FKBP3: variants seen among roughly 807,000 people sequenced by gnomAD.
FKBP3 encodes FKBP prolyl isomerase 3, also known as peptidyl-prolyl cis-trans isomerase FKBP3.
Under a neutral mutation model 30.6 loss-of-function variants are expected in FKBP3, and 21 were observed. That is an observed-to-expected ratio of 0.69 (90% confidence interval 0.49 to 0.99). The LOEUF (loss-of-function observed/expected upper bound fraction) is 0.99. Among genes scored for constraint, FKBP3 ranks in the 50% least tolerant of loss-of-function variants. FKBP3 has a pLI of 0.00. For synonymous variants in FKBP3, 82 were observed against 91.3 expected, an observed-to-expected ratio of 0.90 and a Z score of 0.58; for missense variants, 283 against 261.6, an observed-to-expected ratio of 1.08 and a Z score of -0.56.
intron 3 of FKBP3, among the ~76,000 whole-genome samples, chr14:45,126,466 C>T (rs979698536): frequency 1.3e-4 from 19 of 151,696 alleles, no homozygotes; most frequent in African/African-American, 4.1e-4. Flanking sequence ...CCAGCCTAGG[C>T]AACAGAGCGT....
intron 3 of FKBP3, among the ~76,000 whole-genome samples, chr14:45,129,338 C>G (rs541448816): frequency 6.6e-6 from 1 of 152,148 alleles, no homozygotes; most frequent in Admixed American, 6.5e-5. Flanking sequence ...ACCTTTGTAC[C>G]AAAGTATAAA....
chr14:45,119,782 G>C (rs1802282288), intron 5 of FKBP3, among the ~76,000 whole-genome samples: 1 of 150,816 alleles, frequency 6.6e-6, no homozygotes, highest in Non-Finnish European at 1.5e-5. Flanking sequence ...CCACCTCCCA[G>C]GTTCAAGCAA....
At chr14:45,122,697 G>A (rs111946067) in intron 3 of FKBP3, among the ~76,000 whole-genome samples, 2 of 151,726 alleles carry the variant, frequency 1.3e-5, no homozygotes, top group African/African-American at 2.4e-5. Flanking sequence ...TAGAGACACG[G>A]TTTCACCATG....
At chr14:45,116,725 G>A (rs1884850035) in intron 6 of FKBP3, among the ~76,000 whole-genome samples, 1 of 151,760 alleles carries the variant, frequency 6.6e-6, no homozygotes, top group Non-Finnish European at 1.5e-5. Context: ...GCGTAGTGGT[G>A]CGCACCTGTA....
intron 1 of FKBP3, among the ~76,000 whole-genome samples, chr14:45,133,917 G>C (rs1274721726): frequency 6.6e-6 from 1 of 152,224 alleles, no homozygotes; most frequent in Non-Finnish European, 1.5e-5. Context: ...AAACTGTTGA[G>C]AAAAGCAAGT....
Position 45,134,330 on chromosome 14 carries a change from GC to G in FKBP3, c.108+18del, listed in dbSNP as rs1885322864. ...GTCCCTCAGCCGCACCAGCCCGGCC[GC>G]CCCTACGCCTCTGGTACCGAATCTG... On this transcript the variant is annotated intron_variant, in intron 1 of 6. Coordinates refer to ENST00000396062, the MANE Select transcript of FKBP3 (RefSeq NM_002013.4). The G allele has an allele frequency of 6.3e-7, 1 of 1,587,166 alleles. No individual in the cohort carries two copies. The highest frequency in any genetic ancestry group is 8.6e-7 in the Non-Finnish European group (1 of 1,156,888).
At chr14:45,127,458 A>T (rs1430290988) in intron 3 of FKBP3, among the ~76,000 whole-genome samples, 1 of 152,028 alleles carries the variant, frequency 6.6e-6, no homozygotes, top group Non-Finnish European at 1.5e-5. Flanking sequence ...AAAAATTTTT[A>T]AATGAAAAAT....
Position 45,118,629 on chromosome 14 carries a change from TCAAA to T in FKBP3, c.523-508_523-505del, listed in dbSNP as rs201171684. On this transcript the variant is annotated intron_variant, in intron 5 of 6. Coordinates refer to ENST00000396062, the MANE Select transcript of FKBP3 (RefSeq NM_002013.4). The stretch of plus-strand genomic sequence containing the variant: ...CTGGGCAACAGAGTGAGACTCCTTC[TCAAA>T]CAAACAAACAAAAAACAAAAAAAAA... Among the ~76,000 whole-genome samples, 125 of 151,956 alleles carry T rather than the reference TCAAA, an allele frequency of 8.2e-4. 4 individuals carry two copies. Among genetic ancestry groups the T allele is most frequent in the East Asian group, 3.1e-3 (16 of 5,154 alleles).
chr14:45,120,704 T>C (rs1042559018), intron 5 of FKBP3, among the ~76,000 whole-genome samples, 183 bp downstream of exon 5: 1 of 152,214 alleles, frequency 6.6e-6, no homozygotes, highest in Non-Finnish European at 1.5e-5. Flanking sequence ...CCTCATTTTA[T>C]ATGTAGCGAA....
chr14:45,131,745 CAA>C (rs1402921019), intron 1 of FKBP3, among the ~76,000 whole-genome samples: 3 of 151,548 alleles, frequency 2.0e-5, no homozygotes, highest in African/African-American at 7.3e-5. Context: ...GCGTCTACGT[CAA>C]AGAGTTGATA....
intron 3 of FKBP3, among the ~76,000 whole-genome samples, chr14:45,126,286 G>A (rs897473390): frequency 6.6e-6 from 1 of 151,514 alleles, no homozygotes; most frequent in Non-Finnish European, 1.5e-5. Context: ...TCAGGAATTC[G>A]ACAATAGCCT....
At position 45,121,571 on chromosome 14, in the gene FKBP3, T is replaced by C. The variant is rs140654493; in HGVS notation, c.368A>G (p.Asn123Ser). ...KSVLKKGDKTNFPKKGDVVHC... is the reference protein window; with the variant it reads ...KSVLKKGDKTSFPKKGDVVHC... ...AACAACATCTCCCTTTTTGGGAAAG[T>C]TGGTTTTATCTCCCTTTTTCAGAAC... Residue 123 changes from asparagine to serine, a missense_variant, in exon 4 of 7, where the codon AAC (asparagine) becomes AGC (serine). Physicochemically the swap from Asn to Ser is conservative, Grantham distance 46. Transcript: ENST00000396062. 5.0e-6 allele frequency: 8 copies of C among 1,613,846 alleles called. No homozygotes were observed. The highest frequency in any genetic ancestry group is 1.7e-5 in the Admixed American group (1 of 60,024).
chr14:45,132,598 G>A (rs570785665), intron 1 of FKBP3, among the ~76,000 whole-genome samples: 3 of 151,392 alleles, frequency 2.0e-5, no homozygotes, highest in Non-Finnish European at 2.9e-5. Flanking sequence ...ATGAGGTTTC[G>A]CTACGTTGGC....
rs753273006 is a variant in FKBP3 at position 45,130,747 on chromosome 14, A to C, written c.162T>G (p.Ala54=). Residue 54 remains alanine (A), a synonymous_variant, in exon 2 of 7, where the codon GCT becomes GCG. Transcript: ENST00000396062. ...LGNIKNVAKT[A]NKDHLVTAYN... ...AGGCTGTAACCAAGTGGTCCTTGTT[A>C]GCTGTCTTGGCCACATTTTTAATGT... is the stretch of plus-strand genomic sequence containing the variant. The C allele has an allele frequency of 6.2e-7, 1 of 1,611,634 alleles. No individual in the cohort carries two copies. Among genetic ancestry groups the C allele is most frequent in the Non-Finnish European group, 8.5e-7 (1 of 1,179,028 alleles).
At chr14:45,134,210 G>C in intron 1 of FKBP3, 139 bp downstream of exon 1, 1 of 696,042 alleles carries the variant, frequency 1.4e-6, no homozygotes, top group Non-Finnish European at 2.5e-6. Context: ...GCACAAGCTG[G>C]GCCTCTCCGG....
chr14:45,120,723 C>T (rs750552782), intron 5 of FKBP3, among the ~76,000 whole-genome samples, 164 bp downstream of exon 5: 40 of 152,090 alleles, frequency 2.6e-4, no homozygotes, highest in Non-Finnish European at 1.2e-4. Context: ...AAACTGAGAC[C>T]GAGATAACTT....
In FKBP3 at chr14:45,121,587, T is replaced by G. The variant is rs1246705790; in HGVS notation, c.352A>C (p.Lys118Gln). 1 of 1,613,782 alleles carries G rather than the reference T, an allele frequency of 6.2e-7. No individual in the cohort carries two copies. Among genetic ancestry groups the G allele is most frequent in the Admixed American group, 1.7e-5 (1 of 60,014 alleles). Residue 118 changes from lysine (K) to glutamine (Q), a missense_variant, in exon 4 of 7, where the codon AAG becomes CAG. By Grantham distance (53) the Lys-to-Gln change is moderately conservative (BLOSUM62 1). Coordinates refer to ENST00000396062, the MANE Select transcript of FKBP3 (RefSeq NM_002013.4). ...TTGGGAAAGTTGGTTTTATCTCCCT[T>G]TTTCAGAACAGATTTAGTATATTTT... ...PPKYTKSVLK[K>Q]GDKTNFPKKG...
chr14:45,127,761 T>C (rs543800690), intron 3 of FKBP3, among the ~76,000 whole-genome samples: 1 of 152,238 alleles, frequency 6.6e-6, no homozygotes, highest in East Asian at 1.9e-4. Flanking sequence ...AGAAATCTTA[T>C]TAGAATACCC....
At chr14:45,134,203 C>T in intron 1 of FKBP3, 146 bp downstream of exon 1, 1 of 661,146 alleles carries the variant, frequency 1.5e-6, no homozygotes, top group Non-Finnish European at 2.6e-6. Flanking sequence ...CACCAAAGCA[C>T]AAGCTGGGCC....
Sources: gnomAD v4.1 joint callset for allele counts (sites outside exome capture counted in the v4.1 genomes callset) on GRCh38, gnomAD v4.1.1 for gene constraint, MANE v1.5 for transcripts, NCBI Gene and HGNC (gene_info 2026-07-23, HGNC 2026-07-21) for gene names.